ATP6V0A2: variants seen among roughly 807,000 people sequenced by gnomAD.
The protein encoded by ATP6V0A2 is ATPase H+ transporting V0 subunit a2.
ATP6V0A2 carries 58 observed loss-of-function variants against 104.4 expected under a neutral mutation model. The ratio of observed to expected loss-of-function variants is 0.56; its 90% confidence interval spans 0.45 to 0.69. ATP6V0A2 has a LOEUF of 0.69. ATP6V0A2 is among the 30% of genes least tolerant of loss of function. The pLI is 0.00. For synonymous variants in ATP6V0A2, 376 were observed against 397.9 expected, an observed-to-expected ratio of 0.95 and a Z score of 0.65; for missense variants, 938 against 1,062.9, an observed-to-expected ratio of 0.88 and a Z score of 1.63.
chr12:123,735,683 A>AT, intron 8 of ATP6V0A2, 59 bp downstream of exon 8: 1 of 1,318,474 alleles, frequency 7.6e-7, no homozygotes, highest in South Asian at 1.2e-5. Context: ...ATTTACACGT[A>AT]TATTTTCTCT....
rs1956639256 is a variant in ATP6V0A2, at chr12:123,744,371, G to A, written c.1326+34G>A. ...ATAAACACTCCAGCTCATATATCTG[G>A]TTAGGTGGCATTAGCAGTGACCGAA... On this transcript the variant is annotated intron_variant, in intron 11 of 19. Coordinates refer to ENST00000330342, the MANE Select transcript of ATP6V0A2 (RefSeq NM_012463.4). This position sits in a 1 kb window ranked among gnomAD's most constrained non-coding sequence, Gnocchi z 5.4. 1.2e-6 allele frequency: 2 copies of A among 1,613,896 alleles called. No homozygotes were observed. The highest frequency in any genetic ancestry group is 1.1e-5 in the South Asian group (1 of 91,056).
intron 2 of ATP6V0A2, 70 bp downstream of exon 2, chr12:123,718,771 A>C (rs777541982): frequency 4.7e-6 from 5 of 1,057,436 alleles, no homozygotes; most frequent in Admixed American, 4.1e-5. Flanking sequence ...TCGGTTTAAA[A>C]ATATTGGAAA....
At chr12:123,754,293 A>G (rs774928045) in intron 17 of ATP6V0A2, 127 bp from the exon 18 acceptor site, 22 of 764,362 alleles carry the variant, frequency 2.9e-5, no homozygotes, top group Non-Finnish European at 4.9e-5. Flanking sequence ...CTCACACTCT[A>G]GCGTGTTCTT....
chr12:123,718,379 C>T (rs563604660), intron 1 of ATP6V0A2, among the ~76,000 whole-genome samples: 105 of 152,150 alleles, frequency 6.9e-4, no homozygotes, highest in African/African-American at 2.2e-3. Context: ...CGTGAGCTAC[C>T]GCCCCGGCCT....
chr12:123,747,460 C>G, intron 13 of ATP6V0A2, 147 bp from the exon 14 acceptor site: 4 of 706,224 alleles, frequency 5.7e-6, no homozygotes, highest in Non-Finnish European at 7.8e-6. Context: ...CAATGGTTCT[C>G]AGATTGAAAG....
At chr12:123,721,815 G>A (rs1040639956) in intron 2 of ATP6V0A2, among the ~76,000 whole-genome samples, 1 of 152,246 alleles carries the variant, frequency 6.6e-6, no homozygotes, top group African/African-American at 2.4e-5. Context: ...GGTGCTGGGT[G>A]GGTTTCCTGG....
chr12:123,747,049 G>A (rs552751399), intron 13 of ATP6V0A2, among the ~76,000 whole-genome samples: 2 of 152,180 alleles, frequency 1.3e-5, no homozygotes, highest in Non-Finnish European at 2.9e-5. Context: ...GGGAAGTTAC[G>A]GGGACTCAGA....
chr12:123,736,185 C>CT (rs75644082), intron 8 of ATP6V0A2, among the ~76,000 whole-genome samples: 2,660 of 81,882 alleles, frequency 0.032, 111 homozygotes, highest in African/African-American at 0.068. Flanking sequence ...GATTGTGATT[C>CT]TTTTTTTTTT....
chr12:123,712,605 C>T lies in ATP6V0A2; in HGVS notation c.40C>T (p.Gln14Ter). The T allele has an allele frequency of 6.2e-7, 1 of 1,604,054 alleles. No individual in the cohort carries two copies. The highest frequency in any genetic ancestry group is 1.1e-5 in the South Asian group (1 of 89,602). Residue 14 changes from glutamine to a stop codon, truncating the protein, a stop_gained, in exon 1 of 20, where the codon CAG (glutamine) becomes TAG (stop). Transcript: ENST00000330342. LOFTEE classifies it high-confidence loss of function. ...CCGGAGCGAGACCATGTGCCTGGCG[C>T]AGCTCTTCCTGCAGTCGGGCACGGC... is the stretch of plus-strand genomic sequence containing the variant. ...LFRSETMCLA[Q>*]LFLQSGTAYE...
At chr12:123,734,696 T>G (rs1192299603) in intron 7 of ATP6V0A2, among the ~76,000 whole-genome samples, 1 of 152,224 alleles carries the variant, frequency 6.6e-6, no homozygotes, top group African/African-American at 2.4e-5. Context: ...CTCCTTTGCT[T>G]TCTTCCCCCC....
At chr12:123,730,474 A>G (rs534279098) in intron 6 of ATP6V0A2, among the ~76,000 whole-genome samples, 1 of 152,276 alleles carries the variant, frequency 6.6e-6, no homozygotes, top group Middle Eastern at 3.4e-3. Flanking sequence ...GTTTTCTGAA[A>G]TAAAAATCTA....
chr12:123,722,510 T>C, intron 3 of ATP6V0A2, 62 bp downstream of exon 3: 1 of 943,240 alleles, frequency 1.1e-6, no homozygotes, highest in Non-Finnish European at 1.8e-6. Context: ...TACTTACTTA[T>C]TTCATGTTGT....
At chr12:123,735,151 GTGTGTGTGTGTGTGTC>G (rs1956539015) in intron 7 of ATP6V0A2, among the ~76,000 whole-genome samples, 1 of 150,814 alleles carries the variant, frequency 6.6e-6, no homozygotes, top group Non-Finnish European at 1.5e-5. Context: ...TCGTGTGTGT[GTGTGTGTGTGTGTGTC>G]TGTGTGTGTC....
Position 123,744,370 on chromosome 12 carries a change from G to C in ATP6V0A2, c.1326+33G>C. On this transcript the variant is annotated intron_variant, in intron 11 of 19. Coordinates refer to ENST00000330342, the MANE Select transcript of ATP6V0A2 (RefSeq NM_012463.4). This position sits in a 1 kb window ranked among gnomAD's most constrained non-coding sequence, Gnocchi z 5.4. ...TATAAACACTCCAGCTCATATATCT[G>C]GTTAGGTGGCATTAGCAGTGACCGA... 1 of 1,613,858 alleles carries C rather than the reference G, an allele frequency of 6.2e-7. No homozygotes were observed. The highest frequency in any genetic ancestry group is 8.5e-7 in the Non-Finnish European group (1 of 1,179,824).
intron 9 of ATP6V0A2, chr12:123,739,007 T>C (rs1277544282): frequency 1.3e-5 from 2 of 152,280 alleles, no homozygotes; most frequent in African/African-American, 4.8e-5. Context: ...ATTCTTCTTT[T>C]ACTGAGGTGA....
In ATP6V0A2 at chr12:123,747,666, C is replaced by T. The variant is rs373155729; in HGVS notation, c.1665C>T (p.Ser555=). The T allele has an allele frequency of 2.9e-5, 47 of 1,613,684 alleles. No homozygotes were observed. Among genetic ancestry groups the T allele is most frequent in the African/African-American group, 2.3e-4 (17 of 75,014 alleles). The part of the protein sequence containing the change: ...TFLNSFKMKM[S]VILGIIHMTF... Reference sequence around the variant, plus strand: ...TAAACTCTTTCAAAATGAAAATGTCCGTGATTTTAGGAATCATTCATATGA... The same window carrying T: ...TAAACTCTTTCAAAATGAAAATGTCTGTGATTTTAGGAATCATTCATATGA... The change falls in exon 14 of 20, where the codon TCC becomes TCT. Residue 555 remains serine (S), a synonymous_variant. Coordinates refer to ENST00000330342, the MANE Select transcript of ATP6V0A2 (RefSeq NM_012463.4).
At chr12:123,735,484 T>C (rs1956543583) in intron 7 of ATP6V0A2, 47 bp from the exon 8 acceptor site, 1 of 1,555,756 alleles carries the variant, frequency 6.4e-7, no homozygotes, top group African/African-American at 1.4e-5. Flanking sequence ...ACGTGTTTAG[T>C]TCTAGTGCTG....
At chr12:123,722,001 C>A (rs542086715) in intron 2 of ATP6V0A2, among the ~76,000 whole-genome samples, 2 of 152,066 alleles carry the variant, frequency 1.3e-5, no homozygotes, top group East Asian at 1.9e-4. Flanking sequence ...TAGATGGCTG[C>A]GACTCAAAAG....
intron 13 of ATP6V0A2, among the ~76,000 whole-genome samples, chr12:123,746,381 T>C (rs1956662334): frequency 6.6e-6 from 1 of 151,388 alleles, no homozygotes; most frequent in Non-Finnish European, 1.5e-5. Flanking sequence ...ATCAGCGAAG[T>C]TGACTGGCCT....
Sources: gnomAD v4.1 joint callset for allele counts (sites outside exome capture counted in the v4.1 genomes callset) on GRCh38, gnomAD v4.1.1 for gene constraint, Gnocchi (gnomAD v3.1) non-coding constraint, MANE v1.5 for transcripts, NCBI Gene and HGNC (gene_info 2026-07-23, HGNC 2026-07-21) for gene names.